ATP9B: variants seen among roughly 807,000 people sequenced by gnomAD.
ATP9B encodes probable phospholipid-transporting ATPase IIB.
ATP9B carries 110 observed loss-of-function variants against 146.1 expected under a neutral mutation model. That is an observed-to-expected ratio of 0.75 (90% CI 0.65 to 0.88). The LOEUF is 0.88. ATP9B is among the 40% of genes least tolerant of loss of function. ATP9B has a pLI of 0.00. For missense variants in ATP9B, 1,499 were observed against 1,496.4 expected, an observed-to-expected ratio of 1.00 and a Z score of -0.03; for synonymous variants, 604 against 569.7, an observed-to-expected ratio of 1.06 and a Z score of -0.86.
intron 6 of ATP9B, among the ~76,000 whole-genome samples, chr18:79,152,859 G>A (rs188523944): frequency 4.6e-5 from 7 of 152,138 alleles, no homozygotes; most frequent in Non-Finnish European, 1.0e-4. Flanking sequence ...TATATATGTG[G>A]ACCTATTTTT....
chr18:79,111,180 G>A (rs1370360978), intron 3 of ATP9B, among the ~76,000 whole-genome samples: 2 of 152,010 alleles, frequency 1.3e-5, no homozygotes, highest in African/African-American at 2.4e-5. Context: ...TTTGTGTTTT[G>A]TATGTCATTC....
Position 79,327,842 on chromosome 18 carries a change from T to A in ATP9B, c.1774-1299T>A, listed in dbSNP as rs562104785. ...TCCGTGGTTAGTGTGTTCTCCGTGG[T>A]TAGCGTGCTCTCCATGGTTAGCGTG... On this transcript the variant is annotated intron_variant, in intron 15 of 29. Coordinates refer to ENST00000426216, the MANE Select transcript of ATP9B (RefSeq NM_198531.5). Among the ~76,000 whole-genome samples the A allele has an allele frequency of 1.0e-4, 5 of 47,982 alleles. 2 individuals carry two copies. Among genetic ancestry groups the A allele is most frequent in the Admixed American group, 5.1e-4 (2 of 3,896 alleles). The allele number at this position is 47,982 out of a possible 152,430, so 31.5% of individuals were successfully genotyped here.
chr18:79,184,252 A>G (rs1026688998), intron 8 of ATP9B, among the ~76,000 whole-genome samples: 5 of 152,222 alleles, frequency 3.3e-5, no homozygotes, highest in South Asian at 2.1e-4. Flanking sequence ...AATAGTTCCT[A>G]TAGTTCCAGC....
At chr18:79,217,980 C>T (rs984713600) in intron 11 of ATP9B, among the ~76,000 whole-genome samples, 3 of 152,178 alleles carry the variant, frequency 2.0e-5, no homozygotes, top group Non-Finnish European at 4.4e-5. Context: ...CATTGGAGTT[C>T]GTCGTCAGCA....
intron 11 of ATP9B, among the ~76,000 whole-genome samples, chr18:79,238,790 A>G (rs73002037): frequency 8.8e-4 from 134 of 152,244 alleles, no homozygotes; most frequent in Non-Finnish European, 1.5e-3. Flanking sequence ...GTGATCATGG[A>G]GGAACCGCTA....
At chr18:79,116,952 AAAAAG>A (rs150088786) in intron 4 of ATP9B, among the ~76,000 whole-genome samples, 26,968 of 143,298 alleles carry the variant, frequency 0.19, 2,720 homozygotes, top group East Asian at 0.46. Context: ...AAAAAAAAAA[AAAAAG>A]AAATAATGAT....
At chr18:79,313,347 AAC>A (rs1244434862) in intron 15 of ATP9B, among the ~76,000 whole-genome samples, 2 of 152,202 alleles carry the variant, frequency 1.3e-5, no homozygotes, top group Non-Finnish European at 2.9e-5. Context: ...CTGTGAGACA[AAC>A]ACAGGTCATG....
At chr18:79,286,787 C>A (rs963618348) in intron 13 of ATP9B, among the ~76,000 whole-genome samples, 1 of 152,098 alleles carries the variant, frequency 6.6e-6, no homozygotes, top group Non-Finnish European at 1.5e-5. Flanking sequence ...TTTTGAGATA[C>A]GTCCCATCAA....
intron 11 of ATP9B, among the ~76,000 whole-genome samples, chr18:79,228,119 A>G (rs1377157741): frequency 6.6e-6 from 1 of 152,238 alleles, no homozygotes; most frequent in Non-Finnish European, 1.5e-5. Flanking sequence ...TAGCCCAAAA[A>G]ATAGCCTTTT....
intron 1 of ATP9B, among the ~76,000 whole-genome samples, chr18:79,072,407 C>T (rs1355035838): frequency 6.6e-6 from 1 of 152,262 alleles, no homozygotes; most frequent in East Asian, 1.9e-4. Flanking sequence ...TCTTGCACCG[C>T]CCTTAATCCA....
chr18:79,185,733 C>T (rs1368553088), intron 8 of ATP9B, among the ~76,000 whole-genome samples: 1 of 152,118 alleles, frequency 6.6e-6, no homozygotes, highest in African/African-American at 2.4e-5. Context: ...AGCTTATGCC[C>T]GTAATCATCC....
rs1231900601 is a variant in ATP9B at position 79,303,616 on chromosome 18, A to G, written c.1424A>G (p.Gln475Arg). ...LLTDKTGTLT[Q>R]NEMIFKRLHL... ...CCCTTTATCCTAGGAACCCTCACCC[A>G]GAATGAAATGATATTTAAGCGGCTG... The change falls in exon 14 of 30, where the codon CAG (glutamine) becomes CGG (arginine). Residue 475 changes from glutamine to arginine, a missense_variant. Physicochemically the swap from Gln to Arg is conservative, Grantham distance 43. Transcript: ENST00000426216. 6.2e-7 allele frequency: 1 copy of G among 1,613,974 alleles called. No homozygotes were observed. Among genetic ancestry groups the G allele is most frequent in the East Asian group, 2.2e-5 (1 of 44,876 alleles).
At position 79,138,613 on chromosome 18, in the gene ATP9B, T is replaced by C. The variant is rs137883676; in HGVS notation, c.668-5189T>C. 2.6e-5 allele frequency among the ~76,000 whole-genome samples: 4 copies of C among 152,318 alleles called. No homozygotes were observed. The East Asian group carries it at 7.7e-4, about 29-fold the overall frequency. On this transcript the variant is annotated intron_variant, in intron 5 of 29. Coordinates refer to ENST00000426216, the MANE Select transcript of ATP9B (RefSeq NM_198531.5). ...GTTTTGTTTACTTTGATCAGCATAT[T>C]CATTTAGTTTACTTGTGAGGTGGTA...
intron 4 of ATP9B, chr18:79,118,014 G>A (rs1160006060): frequency 6.6e-6 from 1 of 152,144 alleles, no homozygotes; most frequent in African/African-American, 2.4e-5. Context: ...TTATAAAATT[G>A]ATCCATATCA....
intron 15 of ATP9B, among the ~76,000 whole-genome samples, chr18:79,308,779 G>A (rs598317): frequency 2.2e-4 from 21 of 97,602 alleles, no homozygotes; most frequent in African/African-American, 8.9e-4. Context: ...AGAAGGTCAG[G>A]GGCTGAGGAG....
intron 17 of ATP9B, among the ~76,000 whole-genome samples, chr18:79,332,361 A>G (rs532969282): frequency 1.0e-3 from 157 of 152,320 alleles, no homozygotes; most frequent in East Asian, 2.1e-3. Context: ...CCCGGGAGGC[A>G]GAGCTTGCAG....
intron 5 of ATP9B, among the ~76,000 whole-genome samples, chr18:79,128,052 C>CTTTTTTTTTT (rs1173565651): frequency 5.6e-5 from 4 of 71,722 alleles, no homozygotes; most frequent in African/African-American, 1.2e-4. Flanking sequence ...CCTTTGCCGA[C>CTTTTTTTTTT]TTTTTTTTTT....
At chr18:79,120,676 C>A (rs76638612) in intron 4 of ATP9B, among the ~76,000 whole-genome samples, 1 of 152,058 alleles carries the variant, frequency 6.6e-6, no homozygotes, top group East Asian at 1.9e-4. Context: ...TCAAAATGAA[C>A]GAGATGGAAT....
rs988009609 is a variant in ATP9B at position 79,193,116 on chromosome 18, T to C, written c.874-67T>C. Reference sequence around the variant, plus strand: ...TATATGAACAATATTAATCAGCAAATGAGAAATTTCCAAGTAATTTTACTA... The same window carrying C: ...TATATGAACAATATTAATCAGCAAACGAGAAATTTCCAAGTAATTTTACTA... On this transcript the variant is annotated intron_variant, in intron 8 of 29. Coordinates refer to ENST00000426216, the MANE Select transcript of ATP9B (RefSeq NM_198531.5). The C allele has an allele frequency of 1.2e-5, 15 of 1,204,022 alleles. No homozygotes were observed. In the African/African-American group the frequency reaches 2.3e-4, roughly 18 times the overall value. 74.6% of individuals were successfully genotyped at this position (1,204,022 alleles called of 1,614,324 possible). A position where few individuals can be genotyped will look rare whatever the true frequency, so the allele number is the denominator to read the frequency against.
Sources: allele counts gnomAD v4.1 joint callset (sites outside exome capture counted in the v4.1 genomes callset), GRCh38; gene constraint gnomAD v4.1.1; transcripts MANE v1.5; gene names NCBI Gene and HGNC (gene_info 2026-07-23, HGNC 2026-07-21).